The following CACNA1A variants were observed in gnomAD, a reference collection of about 807,000 sequenced individuals.
The protein encoded by CACNA1A is voltage-dependent P/Q-type calcium channel subunit alpha-1A.
A neutral mutation model predicts 262.4 loss-of-function variants in CACNA1A; 57 were observed. That is an observed-to-expected ratio of 0.22 (90% CI 0.18 to 0.27). The LOEUF (loss-of-function observed/expected upper bound fraction) is 0.27, where lower values mean the gene tolerates loss of function less well. CACNA1A is among the 10% of genes least tolerant of loss of function. The pLI is 1.00. For synonymous variants in CACNA1A, 1,431 were observed against 1,419.3 expected, an observed-to-expected ratio of 1.01 and a Z score of -0.18; for missense variants, 2,526 against 3,562.8, an observed-to-expected ratio of 0.71 and a Z score of 7.41.
At chr19:13,259,222 T>G (rs1208677953) in intron 27 of CACNA1A, 1 of 160,966 alleles carries the variant, frequency 6.2e-6, no homozygotes, top group Admixed American at 6.5e-5. Context: ...CTCGGCTCAC[T>G]GCAACCTCTG....
intron 29 of CACNA1A, among the ~76,000 whole-genome samples, chr19:13,254,330 C>T (rs901223070): frequency 6.6e-6 from 1 of 151,806 alleles, no homozygotes; most frequent in Admixed American, 6.6e-5. Flanking sequence ...TTAGGGTCCT[C>T]ACCTACCCCT....
chr19:13,267,316 G>A (rs962540908), intron 24 of CACNA1A, among the ~76,000 whole-genome samples: 1 of 152,104 alleles, frequency 6.6e-6, no homozygotes, highest in Non-Finnish European at 1.5e-5. Context: ...GGCAGCAGTT[G>A]GGGGAGCCTC....
chr19:13,489,043 T>G (rs1390043890), intron 1 of CACNA1A, among the ~76,000 whole-genome samples: 1 of 126,196 alleles, frequency 7.9e-6, no homozygotes, highest in Admixed American at 8.0e-5. Flanking sequence ...ACGGAGTCTC[T>G]CTCTGTTGCC....
At chr19:13,307,054 C>T (rs1187649347) in intron 15 of CACNA1A, among the ~76,000 whole-genome samples, 1 of 152,036 alleles carries the variant, frequency 6.6e-6, no homozygotes, top group African/African-American at 2.4e-5. Context: ...CCTCAACCTC[C>T]TGGGCTCAAG....
At chr19:13,337,633 G>T (rs374384545) in intron 6 of CACNA1A, among the ~76,000 whole-genome samples, 12 of 152,248 alleles carry the variant, frequency 7.9e-5, no homozygotes, top group African/African-American at 2.4e-4. Flanking sequence ...ATGAATTTTG[G>T]GGTGAGACAA....
At chr19:13,425,250 A>C (rs968800264) in intron 3 of CACNA1A, among the ~76,000 whole-genome samples, 2 of 152,244 alleles carry the variant, frequency 1.3e-5, no homozygotes, top group Non-Finnish European at 2.9e-5. Flanking sequence ...CAAATAAATA[A>C]GTGAAGTCAA....
intron 12 of CACNA1A, among the ~76,000 whole-genome samples, chr19:13,310,076 T>C (rs530490377): frequency 6.6e-6 from 1 of 152,328 alleles, no homozygotes; most frequent in African/African-American, 2.4e-5. Context: ...ATGCAATACT[T>C]GACCTTTTGT....
intron 12 of CACNA1A, among the ~76,000 whole-genome samples, chr19:13,310,454 CAAAAAAAAAAAAAAAAAA>C (rs869052278): frequency 1.5e-4 from 4 of 25,900 alleles, no homozygotes; most frequent in Admixed American, 1.6e-3. Flanking sequence ...GACTCTGTCT[CAAAAAAAAAAAAAAAAAA>C]AAAAAAAAAA....
At chr19:13,358,553 G>T (rs185587277) in intron 6 of CACNA1A, among the ~76,000 whole-genome samples, 1 of 152,190 alleles carries the variant, frequency 6.6e-6, no homozygotes, top group African/African-American at 2.4e-5. Flanking sequence ...TAAGAAAGAG[G>T]GGGGAGGACA....
chr19:13,344,334 A>C (rs932214342), intron 6 of CACNA1A, among the ~76,000 whole-genome samples: 14 of 152,194 alleles, frequency 9.2e-5, no homozygotes, highest in Non-Finnish European at 1.6e-4. Flanking sequence ...GGTCAAGTTC[A>C]AGATCACAAT....
chr19:13,321,025 CT>C (rs55792271), intron 10 of CACNA1A, among the ~76,000 whole-genome samples: 27,692 of 135,702 alleles, frequency 0.2, 2,334 homozygotes, highest in East Asian at 0.3. Flanking sequence ...TGTTCTTTTC[CT>C]TTTTTTTTTT....
At chr19:13,264,054 C>T (rs1339943469) in intron 24 of CACNA1A, among the ~76,000 whole-genome samples, 2 of 152,136 alleles carry the variant, frequency 1.3e-5, no homozygotes, top group Non-Finnish European at 2.9e-5. Flanking sequence ...TCTCTGAGCC[C>T]ATCTTTGCCA....
chr19:13,287,173 G>A (rs1263982862), intron 19 of CACNA1A, among the ~76,000 whole-genome samples: 3 of 152,102 alleles, frequency 2.0e-5, no homozygotes, highest in African/African-American at 7.2e-5. Flanking sequence ...GCAACATAGT[G>A]AGACCCTATT....
chr19:13,474,802 G>A (rs1468639711), intron 1 of CACNA1A, among the ~76,000 whole-genome samples: 3 of 147,672 alleles, frequency 2.0e-5, no homozygotes. Context: ...GGGCAACAGA[G>A]GGAGACTCCG....
chr19:13,316,140 TAA>T (rs908035866), intron 11 of CACNA1A: 3 of 152,130 alleles, frequency 2.0e-5, no homozygotes, highest in African/African-American at 7.2e-5. Context: ...GTATTTTTTG[TAA>T]AGACAGGGTT....
intron 3 of CACNA1A, among the ~76,000 whole-genome samples, chr19:13,415,425 A>C (rs1236250812): frequency 4.6e-5 from 7 of 151,886 alleles, no homozygotes; most frequent in African/African-American, 1.7e-4. Context: ...TTGTCTTCAG[A>C]GCTGAGTGGG....
intron 38 of CACNA1A, among the ~76,000 whole-genome samples, chr19:13,223,002 C>T (rs12976255): frequency 6.6e-6 from 1 of 152,084 alleles, no homozygotes; most frequent in Non-Finnish European, 1.5e-5. Context: ...CCCTTCTCAG[C>T]TTTAAAAAAA....
intron 22 of CACNA1A, among the ~76,000 whole-genome samples, chr19:13,281,357 G>T (rs1014033391): frequency 7.2e-6 from 1 of 139,788 alleles, no homozygotes; most frequent in Admixed American, 7.4e-5. Context: ...CAACCTGGGC[G>T]ACAGAGAGAG....
chr19:13,506,244 T>A lies in CACNA1A; in HGVS notation c.-20A>T. 7.0e-7 allele frequency: 1 copy of A among 1,438,512 alleles called. No homozygotes were observed. Among genetic ancestry groups the A allele is most frequent in the Non-Finnish European group, 9.0e-7 (1 of 1,107,406 alleles). The allele number at this position is 1,438,512 out of a possible 1,614,324, so 89.1% of individuals were successfully genotyped here. A position where few individuals can be genotyped will look rare whatever the true frequency, so the allele number is the denominator to read the frequency against. Reference sequence around the variant, plus strand: ...GGCCATTCTGCAAAGAGCAAAGGGCTCCGGGTTACGCTGCGGCGAACGATG... The same window carrying A: ...GGCCATTCTGCAAAGAGCAAAGGGCACCGGGTTACGCTGCGGCGAACGATG... On this transcript the variant is annotated 5_prime_UTR_variant, in exon 1 of 47. Coordinates refer to ENST00000360228, the MANE Select transcript of CACNA1A (RefSeq NM_001127222.2).
Sources: allele counts gnomAD v4.1 joint callset (sites outside exome capture counted in the v4.1 genomes callset), GRCh38; gene constraint gnomAD v4.1.1; transcripts MANE v1.5; gene names NCBI Gene and HGNC (gene_info 2026-07-23, HGNC 2026-07-21).